CAST: variants seen among roughly 807,000 people sequenced by gnomAD.
CAST encodes the protein MIR583 host.
A neutral mutation model predicts 119.6 loss-of-function variants in CAST; 76 were observed. That is an observed-to-expected ratio of 0.64 (90% CI 0.53 to 0.77). The LOEUF is 0.77. Among genes scored for constraint, CAST ranks in the 30% least tolerant of loss-of-function variants. The pLI is 0.00. For synonymous variants in CAST, 319 were observed against 331.6 expected (o/e 0.96, Z 0.41); for missense variants, 953 against 946.5 (o/e 1.01, Z -0.09).
intron 1 of CAST, among the ~76,000 whole-genome samples, chr5:96,642,539 G>C (rs1747963744): frequency 7.2e-6 from 1 of 138,894 alleles, no homozygotes; most frequent in African/African-American, 2.6e-5. Context: ...AGCACATATA[G>C]TTCCTTTTTT....
chr5:96,549,084 C>G (rs1746072545), intron 1 of CAST, among the ~76,000 whole-genome samples: 1 of 152,196 alleles, frequency 6.6e-6, no homozygotes, highest in African/African-American at 2.4e-5. Context: ...AATCTACTAG[C>G]TTACAGGAGC....
the CAST span, among the ~76,000 whole-genome samples, chr5:95,977,034 T>C: frequency 6.6e-6 from 1 of 152,216 alleles, no homozygotes; most frequent in Non-Finnish European, 1.5e-5. Context: ...TGTTAGCTGT[T>C]GTCTTTGTGG....
At chr5:96,467,824 G>A in the CAST span, among the ~76,000 whole-genome samples, 13 of 152,008 alleles carry the variant, frequency 8.6e-5, no homozygotes, top group Non-Finnish European at 1.3e-4. Flanking sequence ...AAAACAATAC[G>A]GAGATTTCTC....
At chr5:96,705,322 A>AT (rs1554081587) in intron 3 of CAST, among the ~76,000 whole-genome samples, 6 of 152,128 alleles carry the variant, frequency 3.9e-5, no homozygotes, top group South Asian at 2.1e-4. Flanking sequence ...GTGTCAAAAA[A>AT]ATATATATAT....
At chr5:96,210,335 ATTTTGGGTTAAT>A in the CAST span, 1 of 151,960 alleles carries the variant, frequency 6.6e-6, no homozygotes, top group Non-Finnish European at 1.5e-5. Context: ...TCTGCAATCC[ATTTTGGGTTAAT>A]TTTTATGTGT....
At chr5:96,629,237 C>T (rs1747777230) in intron 1 of CAST, among the ~76,000 whole-genome samples, 1 of 152,204 alleles carries the variant, frequency 6.6e-6, no homozygotes, top group African/African-American at 2.4e-5. Context: ...TGAGTGTTCG[C>T]TTCTACCTTC....
chr5:96,203,147 C>CT, the CAST span, among the ~76,000 whole-genome samples: 42 of 147,816 alleles, frequency 2.8e-4, no homozygotes, highest in East Asian at 1.2e-3. Flanking sequence ...TATGCACAAC[C>CT]TTTTTTTTTT....
chr5:96,152,503 G>C, the CAST span, among the ~76,000 whole-genome samples: 1 of 152,200 alleles, frequency 6.6e-6, no homozygotes, highest in Non-Finnish European at 1.5e-5. Flanking sequence ...GACTGACTGA[G>C]AGCCCCTGCT....
chr5:96,485,472 G>A, the CAST span, among the ~76,000 whole-genome samples: 1 of 152,100 alleles, frequency 6.6e-6, no homozygotes, highest in Non-Finnish European at 1.5e-5. Context: ...AAAAAGTAAA[G>A]CTAAAAGTAA....
At chr5:96,283,022 C>T in the CAST span, among the ~76,000 whole-genome samples, 14 of 148,292 alleles carry the variant, frequency 9.4e-5, no homozygotes, top group Non-Finnish European at 5.9e-5. Flanking sequence ...CCCAGCTACT[C>T]GGGAGGCTGA....
the CAST span, among the ~76,000 whole-genome samples, chr5:96,482,265 T>C: frequency 6.6e-6 from 1 of 151,888 alleles, no homozygotes; most frequent in Non-Finnish European, 1.5e-5. Flanking sequence ...AATACCAGCA[T>C]CCAAAAGGTT....
chr5:96,045,588 A>G, the CAST span, among the ~76,000 whole-genome samples: 2 of 152,146 alleles, frequency 1.3e-5, no homozygotes, highest in Non-Finnish European at 2.9e-5. Context: ...TATTTCTAAT[A>G]ATAAAATAAA....
chr5:96,178,912 C>T, the CAST span, among the ~76,000 whole-genome samples: 2 of 152,294 alleles, frequency 1.3e-5, no homozygotes, highest in South Asian at 4.2e-4. Flanking sequence ...CTTCTTGCTC[C>T]TCCTTCTGTG....
the CAST span, among the ~76,000 whole-genome samples, chr5:95,975,545 A>G: frequency 6.6e-6 from 1 of 152,172 alleles, no homozygotes; most frequent in Admixed American, 6.5e-5. Flanking sequence ...TTTTTAAAAT[A>G]CTCTTTCACA....
At chr5:96,480,269 G>A in the CAST span, among the ~76,000 whole-genome samples, 1 of 152,110 alleles carries the variant, frequency 6.6e-6, no homozygotes, top group African/African-American at 2.4e-5. Context: ...TAGTAAAATG[G>A]GAACAGGAAG....
the CAST span, among the ~76,000 whole-genome samples, chr5:96,464,428 T>C: frequency 6.6e-6 from 1 of 152,032 alleles, no homozygotes; most frequent in Non-Finnish European, 1.5e-5. Context: ...AAGATACATA[T>C]ACAAAAGATA....
chr5:96,190,971 G>A, the CAST span, among the ~76,000 whole-genome samples: 1 of 152,174 alleles, frequency 6.6e-6, no homozygotes, highest in African/African-American at 2.4e-5. Flanking sequence ...ATAAATGACA[G>A]TATGGGGTAT....
At chr5:96,289,609 A>G in the CAST span, among the ~76,000 whole-genome samples, 4 of 152,166 alleles carry the variant, frequency 2.6e-5, no homozygotes, top group Admixed American at 1.3e-4. Flanking sequence ...CTCCCCAGCC[A>G]TGTGGTACCA....
At chr5:96,645,119 G>A (rs983793621) in intron 1 of CAST, among the ~76,000 whole-genome samples, 2 of 151,900 alleles carry the variant, frequency 1.3e-5, no homozygotes, top group African/African-American at 4.8e-5. Context: ...ACTCCTCTGG[G>A]GCCTGTGACA....
Sources: allele counts gnomAD v4.1 joint callset (sites outside exome capture counted in the v4.1 genomes callset), GRCh38; gene constraint gnomAD v4.1.1; transcripts MANE v1.5; gene names NCBI Gene and HGNC (gene_info 2026-07-23, HGNC 2026-07-21).